Variants in ZNF618 observed in about 807,000 individuals in gnomAD.
ZNF618 encodes neural precursor cell expressed, developmentally down-regulated 10.
In ZNF618, 34 loss-of-function variants were observed where a neutral mutation model predicts 103.0. That is an observed-to-expected ratio of 0.33 (90% CI 0.25 to 0.44). The LOEUF (loss-of-function observed/expected upper bound fraction) is 0.44, where lower values mean the gene tolerates loss of function less well. ZNF618 is among the 20% of genes least tolerant of loss of function. The pLI is 1.00. For missense variants in ZNF618, 1,059 were observed against 1,295.4 expected (o/e 0.82, Z 2.80); for synonymous variants, 551 against 542.2 (o/e 1.02, Z -0.23).
intron 1 of ZNF618, among the ~76,000 whole-genome samples, chr9:113,906,008 G>C (rs527590356): frequency 7.2e-5 from 11 of 152,154 alleles, no homozygotes; most frequent in Admixed American, 2.0e-4. Flanking sequence ...ATCATTGTTT[G>C]ATATATTTCG....
At chr9:113,881,539 T>C (rs904733289) in intron 1 of ZNF618, among the ~76,000 whole-genome samples, 1 of 152,214 alleles carries the variant, frequency 6.6e-6, no homozygotes, top group South Asian at 2.1e-4. Context: ...GCGGGGGTGC[T>C]ATTGAGTCTT....
chr9:113,921,316 A>G (rs1484088359), intron 1 of ZNF618, among the ~76,000 whole-genome samples: 2 of 152,224 alleles, frequency 1.3e-5, no homozygotes, highest in African/African-American at 2.4e-5. Flanking sequence ...AATGAGTGCA[A>G]AGCACACAGG....
chr9:113,915,909 A>C (rs1832026639), intron 1 of ZNF618, among the ~76,000 whole-genome samples: 1 of 152,234 alleles, frequency 6.6e-6, no homozygotes, highest in South Asian at 2.1e-4. Context: ...TGTTCCCAGC[A>C]AGGGCTAGAC....
chr9:113,914,124 A>G (rs1046604810), intron 1 of ZNF618, among the ~76,000 whole-genome samples: 3 of 152,192 alleles, frequency 2.0e-5, no homozygotes, highest in Admixed American at 1.3e-4. Context: ...GGAGACATGA[A>G]CACTGAGTTA....
rs537033885 is a variant in ZNF618 at position 113,977,234 on chromosome 9, C to G, written c.77+8074C>G. 2.0e-5 allele frequency among the ~76,000 whole-genome samples: 3 copies of G among 152,162 alleles called. No homozygotes were observed. The South Asian group carries it at 6.2e-4, about 32-fold the overall frequency. ...CTGGGCAGCACTGGGCATCAGCTGG[C>G]GACGTGGGCAGGAAGGTGGAGGGGT... On this transcript the variant is annotated intron_variant, in intron 2 of 14. Transcript: ENST00000374126.
intron 1 of ZNF618, among the ~76,000 whole-genome samples, chr9:113,921,727 A>C (rs1214016215): frequency 6.6e-6 from 1 of 152,250 alleles, no homozygotes; most frequent in Non-Finnish European, 1.5e-5. Context: ...GAACTTCATC[A>C]TTCTGAAGTG....
At chr9:114,036,265 C>T (rs373261606) in intron 12 of ZNF618, 35 bp from the exon 13 acceptor site, 101 of 1,551,892 alleles carry the variant, frequency 6.5e-5, no homozygotes, top group Non-Finnish European at 7.9e-5. Context: ...GCGTCGGTTC[C>T]ACCCCTCACG....
chr9:113,964,391 T>C (rs760909684), intron 1 of ZNF618, among the ~76,000 whole-genome samples: 1 of 152,200 alleles, frequency 6.6e-6, no homozygotes, highest in Non-Finnish European at 1.5e-5. Context: ...TTTCCGCCGC[T>C]GAACAGCTGT....
intron 1 of ZNF618, among the ~76,000 whole-genome samples, chr9:113,931,674 C>A (rs548095683): frequency 1.3e-5 from 2 of 152,272 alleles, no homozygotes; most frequent in South Asian, 4.1e-4. Flanking sequence ...TCGAGATGTG[C>A]TGTAAGTGTA....
intron 1 of ZNF618, among the ~76,000 whole-genome samples, chr9:113,933,771 A>C (rs1456285327): frequency 2.6e-5 from 4 of 152,092 alleles, no homozygotes; most frequent in African/African-American, 9.7e-5. Context: ...GAGAGGTCTA[A>C]AGATGGAAAG....
At chr9:113,945,644 G>A (rs557584716) in intron 1 of ZNF618, among the ~76,000 whole-genome samples, 12 of 152,236 alleles carry the variant, frequency 7.9e-5, no homozygotes, top group African/African-American at 2.7e-4. Context: ...GGGCTAGGGC[G>A]TCAGCCCCTG....
At position 114,008,501 on chromosome 9, in the gene ZNF618, C is replaced by A. The variant is rs201298521; in HGVS notation, c.701C>A (p.Ala234Asp). The change falls in exon 9 of 15, where the codon GCC becomes GAC. Residue 234 changes from alanine (A) to aspartate (D), a missense_variant. This residue lies in a region of ZNF618 where 434 missense variants were observed against 476.0 expected (regional missense o/e 0.91). Coordinates refer to ENST00000374126, the MANE Select transcript of ZNF618 (RefSeq NM_001318042.2). ...GACCCCTTCGACCAAGGTGTCGTGGCCACGGACGAGGTGAAGGAGGAGCCC... is the reference window on the plus strand; with the variant it reads ...GACCCCTTCGACCAAGGTGTCGTGGACACGGACGAGGTGAAGGAGGAGCCC... Reference protein sequence around the residue: ...RADPFDQGVVATDEVKEEPPE... With the variant: ...RADPFDQGVVDTDEVKEEPPE... The A allele has an allele frequency of 1.2e-6, 2 of 1,613,932 alleles. No homozygotes were observed. Among genetic ancestry groups the A allele is most frequent in the Non-Finnish European group, 1.7e-6 (2 of 1,179,846 alleles).
At chr9:114,040,446 G>A (rs1334234322) in intron 13 of ZNF618, among the ~76,000 whole-genome samples, 2 of 151,284 alleles carry the variant, frequency 1.3e-5, no homozygotes, top group African/African-American at 2.4e-5. Flanking sequence ...CCATTAACTC[G>A]TCATTTACAT....
chr9:113,928,164 G>A (rs1833264669), intron 1 of ZNF618, among the ~76,000 whole-genome samples: 2 of 152,130 alleles, frequency 1.3e-5, no homozygotes, highest in Non-Finnish European at 2.9e-5. Context: ...CCAATGCAGT[G>A]ATTTTTGTTT....
At chr9:113,905,402 A>G (rs988704288) in intron 1 of ZNF618, among the ~76,000 whole-genome samples, 1 of 152,230 alleles carries the variant, frequency 6.6e-6, no homozygotes, top group Admixed American at 6.5e-5. Flanking sequence ...TTGGCAAACT[A>G]CAGGCCAAAT....
At chr9:113,932,058 T>C (rs757501283) in intron 1 of ZNF618, among the ~76,000 whole-genome samples, 3 of 152,150 alleles carry the variant, frequency 2.0e-5, no homozygotes, top group Non-Finnish European at 4.4e-5. Flanking sequence ...AAGATAAGAC[T>C]CCTGCCCTGA....
At chr9:113,911,276 C>A (rs1334473668) in intron 1 of ZNF618, among the ~76,000 whole-genome samples, 2 of 152,164 alleles carry the variant, frequency 1.3e-5, no homozygotes, top group Admixed American at 1.3e-4. Context: ...ACCTAGAGAT[C>A]CCTACTCAGA....
intron 1 of ZNF618, among the ~76,000 whole-genome samples, chr9:113,911,571 C>A (rs569248582): frequency 6.6e-6 from 1 of 151,946 alleles, no homozygotes; most frequent in Non-Finnish European, 1.5e-5. Flanking sequence ...TCAGGTGATC[C>A]GCCCGCCTTG....
intron 1 of ZNF618, among the ~76,000 whole-genome samples, chr9:113,900,032 T>A (rs534011048): frequency 6.6e-6 from 1 of 152,282 alleles, no homozygotes; most frequent in African/African-American, 2.4e-5. Context: ...CTGCATTTAA[T>A]TTTTTGACAA....
Sources: gnomAD v4.1 joint callset for allele counts (sites outside exome capture counted in the v4.1 genomes callset) on GRCh38, gnomAD v4.1.1 for gene constraint, gnomAD v4.1.1 regional missense constraint, MANE v1.5 for transcripts, NCBI Gene and HGNC (gene_info 2026-07-23, HGNC 2026-07-21) for gene names.